NLRC5: variants seen among roughly 807,000 people sequenced by gnomAD.
The protein encoded by NLRC5 is NLR family CARD domain containing 5, also known as protein NLRC5.
A neutral mutation model predicts 206.9 loss-of-function variants in NLRC5; 114 were observed. That is an observed-to-expected ratio of 0.55 (90% CI 0.47 to 0.64). NLRC5 has a LOEUF of 0.64. Among genes scored for constraint, NLRC5 ranks in the 30% least tolerant of loss-of-function variants. The pLI, the probability that NLRC5 is intolerant of heterozygous loss-of-function variation, is 0.00. For synonymous variants in NLRC5, 952 were observed against 962.8 expected (o/e 0.99, Z 0.21); for missense variants, 2,008 against 2,305.5 (o/e 0.87, Z 2.64).
In NLRC5 at chr16:57,076,917, C is replaced by T; in HGVS notation, c.4835+15C>T. ...GAGGAGCTGGAGTGAGTTGCCCATT[C>T]TGCCCCCAGACCCAGGACAATTTTG... On this transcript the variant is annotated intron_variant, in intron 40 of 48. Coordinates refer to ENST00000688547, the MANE Select transcript of NLRC5 (RefSeq NM_001384950.1). 6.2e-7 allele frequency: 1 copy of T among 1,612,266 alleles called. No individual in the cohort carries two copies. Among genetic ancestry groups the T allele is most frequent in the East Asian group, 2.2e-5 (1 of 44,882 alleles).
At chr16:57,067,987 A>AAG (rs2067245184) in intron 36 of NLRC5, among the ~76,000 whole-genome samples, 159 bp downstream of exon 36, 1 of 152,222 alleles carries the variant, frequency 6.6e-6, no homozygotes, top group Non-Finnish European at 1.5e-5. Flanking sequence ...AGGGGTACCT[A>AAG]GTCGTAAACA....
At chr16:56,998,307 C>G (rs2057870355) in intron 1 of NLRC5, among the ~76,000 whole-genome samples, 1 of 151,688 alleles carries the variant, frequency 6.6e-6, no homozygotes, top group Non-Finnish European at 1.5e-5. Context: ...AAGCTGATAT[C>G]TATTTTACTC....
rs767126485 is a variant in NLRC5 at position 57,057,961 on chromosome 16, G to C, written c.3747-104G>C. The C allele has an allele frequency of 4.2e-5, 37 of 877,370 alleles. 1 individual carries two copies. In the South Asian group the frequency reaches 5.2e-4, roughly 12 times the overall value. The allele number at this position is 877,370 out of a possible 1,614,324, so 54.3% of individuals were successfully genotyped here. On this transcript the variant is annotated intron_variant, in intron 27 of 48. Transcript: ENST00000688547. ...TGGTGGCGCTGGTGACCCTGACATG[G>C]GGTCCAGTAGCAGTGACAGTGGATG...
chr16:57,041,954 T>A (rs748969045), intron 18 of NLRC5, 28 bp from the exon 19 acceptor site: 1 of 1,510,970 alleles, frequency 6.6e-7, no homozygotes, highest in Non-Finnish European at 8.9e-7. Context: ...CCTGCTAATG[T>A]TCTCCCCTCC....
At chr16:57,003,436 G>T (rs556983957) in intron 1 of NLRC5, among the ~76,000 whole-genome samples, 2 of 152,218 alleles carry the variant, frequency 1.3e-5, no homozygotes, top group East Asian at 3.9e-4. Flanking sequence ...TGGGCATTAT[G>T]ATGACCCCCC....
chr16:57,014,891 AG>A (rs781480286), intron 1 of NLRC5, among the ~76,000 whole-genome samples: 17 of 150,800 alleles, frequency 1.1e-4, no homozygotes, highest in Non-Finnish European at 2.2e-4. Flanking sequence ...GAGAGCAAAA[AG>A]AAAGGGCAAG....
At chr16:57,075,579 G>C (rs1053714246) in intron 39 of NLRC5, among the ~76,000 whole-genome samples, 1 of 152,212 alleles carries the variant, frequency 6.6e-6, no homozygotes, top group Non-Finnish European at 1.5e-5. Flanking sequence ...GCCACGGTCA[G>C]CACTTTGAGT....
intron 11 of NLRC5, among the ~76,000 whole-genome samples, 195 bp from the exon 12 acceptor site, chr16:57,033,409 C>T (rs974702481): frequency 5.3e-5 from 8 of 152,200 alleles, no homozygotes; most frequent in African/African-American, 1.9e-4. Context: ...ATAAAGGTTC[C>T]ATTTGACCTC....
In NLRC5 at chr16:57,051,413, G is replaced by T. The variant is rs139792995; in HGVS notation, c.3423-125G>T. The T allele has an allele frequency of 6.6e-4, 484 of 730,066 alleles. 3 individuals carry two copies. The African/African-American group carries it at 7.9e-3, about 12-fold the overall frequency. The allele number at this position is 730,066 out of a possible 1,614,324, so 45.2% of individuals were successfully genotyped here. A position where few individuals can be genotyped will look rare whatever the true frequency, so the allele number is the denominator to read the frequency against. On this transcript the variant is annotated intron_variant, in intron 23 of 48. Coordinates refer to ENST00000688547, the MANE Select transcript of NLRC5 (RefSeq NM_001384950.1). ...CTCACGGATAACCCATGGACCCAGTGCTGGGAGGGAATGTTTCAGGTGACC... is the reference window on the plus strand; with the variant it reads ...CTCACGGATAACCCATGGACCCAGTTCTGGGAGGGAATGTTTCAGGTGACC...
chr16:57,040,731 C>T lies in NLRC5; in HGVS notation c.2939+13C>T. On this transcript the variant is annotated intron_variant, in intron 17 of 48. Transcript: ENST00000688547. ...CCCGAAGGATGAGGTACAGTGATGGCCTCCAGCCCTGTGTGTGATTCCAGC... is the reference window on the plus strand; with the variant it reads ...CCCGAAGGATGAGGTACAGTGATGGTCTCCAGCCCTGTGTGTGATTCCAGC... 1 of 1,611,916 alleles carries T rather than the reference C, an allele frequency of 6.2e-7. No homozygotes were observed. The highest frequency in any genetic ancestry group is 8.5e-7 in the Non-Finnish European group (1 of 1,177,942).
chr16:57,043,257 C>T lies in NLRC5; in HGVS notation c.3114-258C>T, dbSNP rs79397705. On this transcript the variant is annotated intron_variant, in intron 19 of 48. Coordinates refer to ENST00000688547, the MANE Select transcript of NLRC5 (RefSeq NM_001384950.1). The stretch of plus-strand genomic sequence containing the variant: ...AGCACTCCTCAGATCCATCACAGAC[C>T]GAGGGACCCACTGGGTGCCCATCTC... Among the ~76,000 whole-genome samples, 38 of 152,270 alleles carry T rather than the reference C, an allele frequency of 2.5e-4. No homozygotes were observed. The East Asian group carries it at 6.9e-3, about 28-fold the overall frequency.
At chr16:57,049,853 A>C (rs1204270565) in intron 23 of NLRC5, among the ~76,000 whole-genome samples, 1 of 152,176 alleles carries the variant, frequency 6.6e-6, no homozygotes, top group Non-Finnish European at 1.5e-5. Context: ...GGGAAAGTGC[A>C]ATAGTGAATA....
At chr16:57,063,872 G>A (rs1271298879) in intron 32 of NLRC5, among the ~76,000 whole-genome samples, 1 of 151,884 alleles carries the variant, frequency 6.6e-6, no homozygotes, top group Non-Finnish European at 1.5e-5. Flanking sequence ...CAGAGTAGCT[G>A]GGACTACAGG....
chr16:57,015,591 AAAATAAATAAATAAATAAAT>A (rs202245287), intron 1 of NLRC5, among the ~76,000 whole-genome samples: 1 of 138,400 alleles, frequency 7.2e-6, no homozygotes, highest in African/African-American at 2.9e-5. Context: ...GTCTCTTAAA[AAAATAAATAAATAAATAAAT>A]AAATAAATAA....
intron 1 of NLRC5, among the ~76,000 whole-genome samples, chr16:57,015,925 CAAAA>C (rs35216159): frequency 3.0e-4 from 12 of 39,664 alleles, no homozygotes; most frequent in African/African-American, 1.1e-3. Context: ...AACTCCATCT[CAAAA>C]AAAAAAAAAA....
Position 57,036,255 on chromosome 16 carries a change from A to G in NLRC5, c.2711+72A>G, listed in dbSNP as rs550830039. 1,061 of 1,383,956 alleles carry G rather than the reference A, an allele frequency of 7.7e-4. 14 individuals are homozygous for G. In the South Asian group the frequency reaches 0.01, roughly 14 times the overall value. The allele number at this position is 1,383,956 out of a possible 1,614,324, so 85.7% of individuals were successfully genotyped here. On this transcript the variant is annotated intron_variant, in intron 14 of 48. Coordinates refer to ENST00000688547, the MANE Select transcript of NLRC5 (RefSeq NM_001384950.1). ...GCCCCAGGAGGTCCCCGTGTTCGTA[A>G]TCAGCAGTAAGGGTGCTGATCCACT...
chr16:57,055,609 C>A, intron 27 of NLRC5, 90 bp downstream of exon 27: 3 of 1,011,034 alleles, frequency 3.0e-6, no homozygotes, highest in African/African-American at 1.6e-5. Context: ...TGTGCACATA[C>A]ACTCATGTGT....
intron 18 of NLRC5, 108 bp downstream of exon 18, chr16:57,041,682 C>T: frequency 1.1e-6 from 1 of 869,848 alleles, no homozygotes. Flanking sequence ...TCTTTCCCTG[C>T]TGAAGTCAGA....
intron 21 of NLRC5, 48 bp downstream of exon 21, chr16:57,045,540 C>G (rs1597337263): frequency 6.3e-7 from 1 of 1,594,282 alleles, no homozygotes; most frequent in Non-Finnish European, 8.6e-7. Flanking sequence ...CGCTCTGGTC[C>G]CCGTCTGTTG....
Sources: gnomAD v4.1 joint callset for allele counts (sites outside exome capture counted in the v4.1 genomes callset) on GRCh38, gnomAD v4.1.1 for gene constraint, MANE v1.5 for transcripts, NCBI Gene and HGNC (gene_info 2026-07-23, HGNC 2026-07-21) for gene names.